Variants in FBXO34 observed in about 807,000 individuals in gnomAD.
FBXO34 encodes F-box only protein 34.
FBXO34 carries 12 observed loss-of-function variants against 24.5 expected under a neutral mutation model. The observed-to-expected ratio is 0.49, with a 90% CI of 0.31 to 0.79. FBXO34 has a LOEUF of 0.79. FBXO34 is among the 30% of genes least tolerant of loss of function. The pLI, the probability that FBXO34 is intolerant of heterozygous loss-of-function variation, is 0.04. For missense variants in FBXO34, 823 were observed against 857.7 expected (o/e 0.96, Z 0.51); for synonymous variants, 320 against 311.9 (o/e 1.03, Z -0.27).
intron 1 of FBXO34, among the ~76,000 whole-genome samples, chr14:55,346,909 G>A (rs1002726210): frequency 6.6e-6 from 1 of 152,086 alleles, no homozygotes; most frequent in Non-Finnish European, 1.5e-5. Context: ...CACCTTACCC[G>A]TTAGTAGCCC....
chr14:55,411,645 G>C, the FBXO34 span: 1 of 1,613,362 alleles, frequency 6.2e-7, no homozygotes, highest in Non-Finnish European at 8.5e-7. Flanking sequence ...TCGCCGCTCT[G>C]AACGCATTTG....
At chr14:55,339,170 A>G (rs1327017264) in intron 1 of FBXO34, among the ~76,000 whole-genome samples, 1 of 152,212 alleles carries the variant, frequency 6.6e-6, no homozygotes, top group African/African-American at 2.4e-5. Flanking sequence ...AAATGTTACA[A>G]TGTCCAGGTT....
chr14:55,433,810 A>G, the FBXO34 span: 11 of 1,169,778 alleles, frequency 9.4e-6, no homozygotes, highest in East Asian at 9.4e-5. Context: ...GAAAATCTCA[A>G]ACAGATTGGA....
the FBXO34 span, chr14:55,411,551 G>C: frequency 6.5e-7 from 1 of 1,537,122 alleles, no homozygotes; most frequent in Non-Finnish European, 8.8e-7. Context: ...CGGCTGCCTG[G>C]CTGGAGGACA....
At chr14:55,308,443 C>T (rs1431994102) in intron 1 of FBXO34, among the ~76,000 whole-genome samples, 1 of 152,158 alleles carries the variant, frequency 6.6e-6, no homozygotes, top group Non-Finnish European at 1.5e-5. Context: ...CGCTGTAGTA[C>T]TTAACATGGA....
chr14:55,296,553 C>T (rs1247474462), intron 1 of FBXO34, among the ~76,000 whole-genome samples: 1 of 151,712 alleles, frequency 6.6e-6, no homozygotes, highest in East Asian at 1.9e-4. Flanking sequence ...TGCCACCACA[C>T]CCGGCTAATT....
intron 1 of FBXO34, among the ~76,000 whole-genome samples, chr14:55,275,834 A>AC (rs1881320615): frequency 6.6e-6 from 1 of 150,480 alleles, no homozygotes; most frequent in Non-Finnish European, 1.5e-5. Flanking sequence ...AAAAAAAAAA[A>AC]AAAAAAACGA....
chr14:55,279,740 C>T (rs1881469620), intron 1 of FBXO34, among the ~76,000 whole-genome samples: 1 of 152,176 alleles, frequency 6.6e-6, no homozygotes, highest in South Asian at 2.1e-4. Flanking sequence ...TTAGTTTAGC[C>T]AGCCTGGGCC....
the FBXO34 span, among the ~76,000 whole-genome samples, chr14:55,375,740 A>G: frequency 3.3e-5 from 5 of 152,036 alleles, no homozygotes; most frequent in Admixed American, 2.6e-4. Flanking sequence ...TTTCTTTCCA[A>G]TATAAATACA....
Position 55,350,749 on chromosome 14 carries a change from T to A in FBXO34, c.359T>A (p.Ile120Asn). 1 of 1,608,518 alleles carries A rather than the reference T, an allele frequency of 6.2e-7. No individual in the cohort carries two copies. The highest frequency in any genetic ancestry group is 8.5e-7 in the Non-Finnish European group (1 of 1,178,378). ...AAACCTGGAAATACCAAGGAAAAAATTGCATTCTTTGCATCCCACCAGTGT... is the reference window on the plus strand; with the variant it reads ...AAACCTGGAAATACCAAGGAAAAAAATGCATTCTTTGCATCCCACCAGTGT... ...VVKPGNTKEKIAFFASHQCSN... is the reference protein window; with the variant it reads ...VVKPGNTKEKNAFFASHQCSN... The change falls in exon 2 of 2, where the codon ATT becomes AAT. Residue 120 changes from isoleucine to asparagine, a missense_variant. By Grantham distance (149) the Ile-to-Asn change is moderately radical. Transcript: ENST00000313833.
chr14:55,418,682 C>A, the FBXO34 span, among the ~76,000 whole-genome samples: 4 of 152,240 alleles, frequency 2.6e-5, no homozygotes, highest in South Asian at 4.2e-4. Flanking sequence ...CCCTCAGCAA[C>A]AATGACACAA....
In FBXO34 at chr14:55,322,551, G is replaced by T. The variant is rs1241200357; in HGVS notation, c.-10-27830G>T. ...GGGTCTCGCTCTGTTCCCTAGGCTG[G>T]TCTGGAATTCCTGGGCTCAAGTGAT... On this transcript the variant is annotated intron_variant, in intron 1 of 1. Coordinates refer to ENST00000313833, the MANE Select transcript of FBXO34 (RefSeq NM_017943.4). 2.0e-5 allele frequency among the ~76,000 whole-genome samples: 3 copies of T among 152,000 alleles called. No homozygotes were observed. In the East Asian group the frequency reaches 5.8e-4, roughly 30 times the overall value.
At chr14:55,433,575 T>C in the FBXO34 span, 6 of 1,520,078 alleles carry the variant, frequency 3.9e-6, no homozygotes, top group South Asian at 6.8e-5. Flanking sequence ...TATGCTTCCT[T>C]GTTTTACATA....
chr14:55,413,478 C>T, the FBXO34 span: 1 of 208,788 alleles, frequency 4.8e-6, no homozygotes, highest in African/African-American at 2.4e-5. Flanking sequence ...TTAAATATTT[C>T]TTTAAGGGGA....
intron 1 of FBXO34, among the ~76,000 whole-genome samples, chr14:55,313,745 A>G (rs1284584408): frequency 1.3e-5 from 2 of 152,154 alleles, no homozygotes; most frequent in African/African-American, 2.4e-5. Flanking sequence ...TCTCGTGAGA[A>G]CTGACCTCAC....
chr14:55,439,584 A>G, the FBXO34 span, among the ~76,000 whole-genome samples: 2 of 141,828 alleles, frequency 1.4e-5, no homozygotes, highest in South Asian at 2.4e-4. Flanking sequence ...TGAGGTCAAG[A>G]GTTCAACACC....
At chr14:55,418,491 G>A in the FBXO34 span, among the ~76,000 whole-genome samples, 6 of 152,088 alleles carry the variant, frequency 3.9e-5, no homozygotes, top group African/African-American at 1.4e-4. Flanking sequence ...GCATTGCACC[G>A]CTCAAGTTAT....
At chr14:55,292,677 A>G (rs964142923) in intron 1 of FBXO34, among the ~76,000 whole-genome samples, 1 of 152,102 alleles carries the variant, frequency 6.6e-6, no homozygotes, top group Non-Finnish European at 1.5e-5. Flanking sequence ...AAAGTAGGAA[A>G]TGGGAGCATT....
chr14:55,386,230 A>G, the FBXO34 span: 1 of 708,620 alleles, frequency 1.4e-6, no homozygotes, highest in South Asian at 2.1e-5. Context: ...TATAATGTTC[A>G]CTAAGTGGAA....
Sources: gnomAD v4.1 joint callset for allele counts (sites outside exome capture counted in the v4.1 genomes callset) on GRCh38, gnomAD v4.1.1 for gene constraint, MANE v1.5 for transcripts, NCBI Gene and HGNC (gene_info 2026-07-23, HGNC 2026-07-21) for gene names.